KIF16B: variants seen among roughly 807,000 people sequenced by gnomAD.
The protein encoded by KIF16B is kinesin family member 16B.
A neutral mutation model predicts 156.3 loss-of-function variants in KIF16B; 98 were observed. The observed-to-expected ratio is 0.63, with a 90% CI of 0.53 to 0.74. The LOEUF (loss-of-function observed/expected upper bound fraction) is 0.74, where lower values mean the gene tolerates loss of function less well. Among genes scored for constraint, KIF16B ranks in the 30% least tolerant of loss-of-function variants. The pLI, the probability that KIF16B is intolerant of heterozygous loss-of-function variation, is 0.00. For synonymous variants in KIF16B, 564 were observed against 583.7 expected, an observed-to-expected ratio of 0.97 and a Z score of 0.49; for missense variants, 1,421 against 1,606.5, an observed-to-expected ratio of 0.88 and a Z score of 1.97.
intron 23 of KIF16B, among the ~76,000 whole-genome samples, chr20:16,344,567 A>C (rs2064196932): frequency 6.6e-6 from 1 of 151,820 alleles, no homozygotes; most frequent in South Asian, 2.1e-4. Context: ...CAAATCCCTG[A>C]CTCTCTAAGC....
At chr20:16,497,055 G>C (rs577412427) in intron 11 of KIF16B, among the ~76,000 whole-genome samples, 1 of 151,926 alleles carries the variant, frequency 6.6e-6, no homozygotes, top group African/African-American at 2.4e-5. Flanking sequence ...CCATAAAACT[G>C]GTTTTTCAAA....
rs555338627 is a variant in KIF16B at position 16,508,100 on chromosome 20, T to C, written c.557A>G (p.Asp186Gly). ...EHPKEGPYVE[D>G]LSKHLVQNYG... ...ATTCTGTACTAAATGTTTGGATAAA[T>C]CTGAAAAAGAAAATGGAAGGGGTGA... The change falls in exon 7 of 26, where the codon GAT becomes GGT. Residue 186 changes from aspartate to glycine, a missense_variant and splice_region_variant. Asp to Gly is a moderately conservative substitution (Grantham distance 94). Transcript: ENST00000354981. The C allele has an allele frequency of 1.2e-6, 2 of 1,613,324 alleles. No homozygotes were observed. The highest frequency in any genetic ancestry group is 1.7e-5 in the Admixed American group (1 of 59,826).
At chr20:16,323,533 C>T (rs2063801063) in intron 24 of KIF16B, among the ~76,000 whole-genome samples, 1 of 152,002 alleles carries the variant, frequency 6.6e-6, no homozygotes, top group African/African-American at 2.4e-5. Flanking sequence ...AAGCAATTCT[C>T]TTCCAAGTTT....
chr20:16,391,642 A>T (rs1397869470), intron 17 of KIF16B, among the ~76,000 whole-genome samples: 2 of 152,226 alleles, frequency 1.3e-5, no homozygotes, highest in Admixed American at 6.5e-5. Context: ...GCCAGGCCAC[A>T]GGCCAGGAGG....
intron 12 of KIF16B, among the ~76,000 whole-genome samples, chr20:16,453,074 C>T (rs1341732792): frequency 6.6e-6 from 1 of 150,682 alleles, no homozygotes; most frequent in African/African-American, 2.5e-5. Flanking sequence ...ATGAAACTAG[C>T]CTGGGCAACA....
chr20:16,484,832 C>G (rs149881548), intron 12 of KIF16B, among the ~76,000 whole-genome samples: 80 of 152,282 alleles, frequency 5.3e-4, no homozygotes, highest in African/African-American at 1.8e-3. Context: ...TATAGGAAGA[C>G]AGGAACATAC....
intron 12 of KIF16B, among the ~76,000 whole-genome samples, chr20:16,490,070 G>A (rs1600528068): frequency 6.6e-6 from 1 of 152,172 alleles, no homozygotes; most frequent in East Asian, 1.9e-4. Context: ...CATCAGATTT[G>A]TATGGCTCAG....
At chr20:16,315,346 C>G (rs1369479691) in intron 24 of KIF16B, among the ~76,000 whole-genome samples, 4 of 152,170 alleles carry the variant, frequency 2.6e-5, no homozygotes, top group Non-Finnish European at 5.9e-5. Context: ...AACTAACTGT[C>G]TGACTTTAGA....
chr20:16,323,510 C>G (rs1028484024), intron 24 of KIF16B, among the ~76,000 whole-genome samples: 22 of 152,006 alleles, frequency 1.4e-4, no homozygotes, highest in South Asian at 2.1e-4. Context: ...GAGAAATATA[C>G]TCACAAACAA....
At position 16,374,355 on chromosome 20, in the gene KIF16B, A is replaced by T. The variant is rs950754308; in HGVS notation, c.3252T>A (p.Val1084=). Residue 1084 remains valine, a synonymous_variant, in exon 20 of 26, where the codon GTT becomes GTA. Transcript: ENST00000354981. ...LKQKIYEVDG[V]QKDHHGTLEG... Reference sequence around the variant, plus strand: ...CCAGGGTCCCATGATGATCTTTTTGAACACCATCGACCTCATAAATCTTCT... The same window carrying T: ...CCAGGGTCCCATGATGATCTTTTTGTACACCATCGACCTCATAAATCTTCT... The T allele has an allele frequency of 6.2e-7, 1 of 1,605,632 alleles. No homozygotes were observed. Among genetic ancestry groups the T allele is most frequent in the African/African-American group, 1.3e-5 (1 of 74,772 alleles).
chr20:16,369,601 G>T (rs1422790009), intron 22 of KIF16B, among the ~76,000 whole-genome samples: 2 of 152,048 alleles, frequency 1.3e-5, no homozygotes, highest in African/African-American at 2.4e-5. Flanking sequence ...TGTTTAGAAG[G>T]TCAAATTTAG....
chr20:16,427,495 T>C (rs1277426796), intron 14 of KIF16B, among the ~76,000 whole-genome samples: 1 of 152,132 alleles, frequency 6.6e-6, no homozygotes, highest in African/African-American at 2.4e-5. Context: ...AAATCAGTTC[T>C]GGGATGTTAA....
chr20:16,544,607 CAAAAAAA>C (rs11472848), intron 1 of KIF16B, among the ~76,000 whole-genome samples: 1 of 64,646 alleles, frequency 1.5e-5, no homozygotes, highest in Non-Finnish European at 2.7e-5. Flanking sequence ...AAAGCCATCT[CAAAAAAA>C]AAAAAAAAAA....
chr20:16,556,135 A>G (rs2070839652), intron 1 of KIF16B, among the ~76,000 whole-genome samples: 1 of 152,198 alleles, frequency 6.6e-6, no homozygotes, highest in African/African-American at 2.4e-5. Context: ...GTGGTCCAGT[A>G]CCAACAGAAT....
intron 25 of KIF16B, among the ~76,000 whole-genome samples, chr20:16,302,798 C>T (rs540196249): frequency 6.6e-6 from 1 of 152,158 alleles, no homozygotes; most frequent in South Asian, 2.1e-4. Context: ...TTTCCAATTC[C>T]ATTTGTTTGT....
Position 16,528,456 on chromosome 20 carries a change from T to C in KIF16B, c.48-16A>G. 1 of 1,535,086 alleles carries C rather than the reference T, an allele frequency of 6.5e-7. No homozygotes were observed. Among genetic ancestry groups the C allele is most frequent in the Non-Finnish European group, 9.0e-7 (1 of 1,107,884 alleles). On this transcript the variant is annotated splice_polypyrimidine_tract_variant and intron_variant, in intron 1 of 25. Coordinates refer to ENST00000354981, the MANE Select transcript of KIF16B (RefSeq NM_024704.5). ...GTCCTTTTCCCTGCAATACAAATAA[T>C]TCAGTAGTGGTTAGAAGAGAAAAGA... is the stretch of plus-strand genomic sequence containing the variant.
At position 16,512,875 on chromosome 20, in the gene KIF16B, T is replaced by G; in HGVS notation, c.397A>C (p.Ile133Leu). Residue 133 changes from isoleucine (I) to leucine (L), a missense_variant, in exon 5 of 26, where the codon ATA becomes CTA. Ile to Leu is a conservative substitution (Grantham distance 5). Transcript: ENST00000354981. ...TCATCCCATCTGGTGGTTTCATTTA[T>G]CCGACTGAAGAGTCCTTCACAGATC... ...PRICEGLFSR[I>L]NETTRWDEAS... 6.2e-7 allele frequency: 1 copy of G among 1,614,112 alleles called. No homozygotes were observed. Among genetic ancestry groups the G allele is most frequent in the Non-Finnish European group, 8.5e-7 (1 of 1,179,944 alleles).
chr20:16,438,029 C>G (rs2066695531), intron 12 of KIF16B, among the ~76,000 whole-genome samples: 1 of 151,134 alleles, frequency 6.6e-6, no homozygotes, highest in Admixed American at 6.6e-5. Context: ...CACCTGTAGT[C>G]CTAGCTACTT....
Position 16,273,387 on chromosome 20 carries a change from C to A in KIF16B, c.3820G>T (p.Val1274Leu), listed in dbSNP as rs565686380. The A allele has an allele frequency of 1.2e-6, 2 of 1,613,992 alleles. No individual in the cohort carries two copies. The highest frequency in any genetic ancestry group is 1.1e-5 in the South Asian group (1 of 91,072). The stretch of plus-strand genomic sequence containing the variant: ...GGAGATGTTGCGGACTGGAGCATCA[C>A]GCTGAAAAAGTCCCTGAGGTATTTC... Reference protein sequence around the residue: ...LEKYLRDFFSVMLQSATSPLH... With the variant: ...LEKYLRDFFSLMLQSATSPLH... The change falls in exon 26 of 26, where the codon GTG (valine) becomes TTG (leucine). Residue 1274 changes from valine to leucine, a missense_variant. Transcript: ENST00000354981.
Sources: gnomAD v4.1 joint callset for allele counts (sites outside exome capture counted in the v4.1 genomes callset) on GRCh38, gnomAD v4.1.1 for gene constraint, MANE v1.5 for transcripts, NCBI Gene and HGNC (gene_info 2026-07-23, HGNC 2026-07-21) for gene names.